The following PLCH1 variants were observed in gnomAD, a reference collection of about 807,000 sequenced individuals.
The protein encoded by PLCH1 is 1-phosphatidylinositol 4,5-bisphosphate phosphodiesterase eta-1.
A neutral mutation model predicts 126.7 loss-of-function variants in PLCH1; 60 were observed. The ratio of observed to expected loss-of-function variants is 0.47; its 90% CI spans 0.38 to 0.59. The LOEUF is 0.59. PLCH1 is among the 20% of genes least tolerant of loss of function. The pLI is 0.00. For synonymous variants in PLCH1, 719 were observed against 734.9 expected (o/e 0.98, Z 0.35); for missense variants, 1,723 against 2,040.0 (o/e 0.84, Z 2.99).
At chr3:155,498,791 T>C (rs997855358) in intron 14 of PLCH1, among the ~76,000 whole-genome samples, 1 of 152,210 alleles carries the variant, frequency 6.6e-6, no homozygotes, top group Admixed American at 6.5e-5. Flanking sequence ...GATATTTTAA[T>C]AGTTTTCTCT....
chr3:155,646,590 A>C (rs1462177101), intron 2 of PLCH1, among the ~76,000 whole-genome samples: 1 of 152,226 alleles, frequency 6.6e-6, no homozygotes, highest in African/African-American at 2.4e-5. Context: ...AAAGTCCTTG[A>C]GTAAAACTGC....
intron 2 of PLCH1, among the ~76,000 whole-genome samples, chr3:155,606,854 A>T (rs1177800769): frequency 6.6e-6 from 1 of 152,238 alleles, no homozygotes; most frequent in East Asian, 1.9e-4. Flanking sequence ...TTCAATATAT[A>T]AATGGGATCT....
At chr3:155,683,921 A>G (rs916671522) in intron 2 of PLCH1, among the ~76,000 whole-genome samples, 2 of 152,206 alleles carry the variant, frequency 1.3e-5, no homozygotes, top group African/African-American at 4.8e-5. Flanking sequence ...GGAAATGTCC[A>G]GAATAAATCC....
intron 1 of PLCH1, among the ~76,000 whole-genome samples, chr3:155,708,726 T>C (rs1746871807): frequency 6.6e-6 from 1 of 152,204 alleles, no homozygotes; most frequent in South Asian, 2.1e-4. Context: ...GATCACCTTT[T>C]TTTTCTTTTC....
chr3:155,521,020 TC>T (rs1721023052), intron 11 of PLCH1, among the ~76,000 whole-genome samples: 4 of 152,210 alleles, frequency 2.6e-5, no homozygotes, highest in Admixed American at 2.6e-4. Flanking sequence ...CGCTTGGGGT[TC>T]TTTCTGCCTG....
intron 13 of PLCH1, among the ~76,000 whole-genome samples, 158 bp from the exon 14 acceptor site, chr3:155,500,952 A>C (rs542346142): frequency 6.6e-6 from 1 of 152,362 alleles, no homozygotes; most frequent in African/African-American, 2.4e-5. Context: ...ATTAATAACA[A>C]GCCTATCTAA....
intron 1 of PLCH1, among the ~76,000 whole-genome samples, chr3:155,711,071 T>C (rs2109104560): frequency 6.6e-6 from 1 of 151,282 alleles, no homozygotes; most frequent in South Asian, 2.1e-4. Context: ...TCAACAAATA[T>C]ACTTCTACAG....
intron 9 of PLCH1, among the ~76,000 whole-genome samples, chr3:155,550,990 A>G (rs1381367304): frequency 6.6e-6 from 1 of 152,100 alleles, no homozygotes; most frequent in Non-Finnish European, 1.5e-5. Flanking sequence ...TCCTTACTCG[A>G]CTACAATCTG....
chr3:155,660,030 T>C (rs1394430666), intron 2 of PLCH1, among the ~76,000 whole-genome samples: 1 of 152,212 alleles, frequency 6.6e-6, no homozygotes, highest in Non-Finnish European at 1.5e-5. Flanking sequence ...GCCTGCTATG[T>C]TATATGTTAA....
At chr3:155,590,732 A>C (rs1441596741) in intron 4 of PLCH1, among the ~76,000 whole-genome samples, 2 of 152,232 alleles carry the variant, frequency 1.3e-5, no homozygotes, top group East Asian at 3.9e-4. Flanking sequence ...CCTGGGTGAC[A>C]GAGCGAGACT....
chr3:155,684,855 A>T lies in PLCH1; in HGVS notation c.79+19291T>A, dbSNP rs184640580. ...CACAACTTCAGCAGTACAATTTTAC[A>T]CATACTAATAGTTTTTGCAGTGTCT... On this transcript the variant is annotated intron_variant, in intron 2 of 22. Transcript: ENST00000460012. 4.6e-5 allele frequency among the ~76,000 whole-genome samples: 7 copies of T among 152,324 alleles called. No homozygotes were observed. In the East Asian group the frequency reaches 1.2e-3, roughly 25 times the overall value.
At chr3:155,644,863 C>T (rs578214091) in intron 2 of PLCH1, among the ~76,000 whole-genome samples, 15 of 152,202 alleles carry the variant, frequency 9.9e-5, no homozygotes, top group Non-Finnish European at 1.6e-4. Context: ...GCCACTGTGG[C>T]GGCAGTGACA....
intron 10 of PLCH1, among the ~76,000 whole-genome samples, chr3:155,540,255 A>G (rs1208109243): frequency 1.3e-5 from 2 of 152,186 alleles, no homozygotes; most frequent in Admixed American, 6.5e-5. Context: ...TGGATCTGAG[A>G]CTTAAATATA....
intron 10 of PLCH1, among the ~76,000 whole-genome samples, chr3:155,542,658 C>G (rs1487827652): frequency 6.6e-6 from 1 of 152,164 alleles, no homozygotes; most frequent in Admixed American, 6.5e-5. Flanking sequence ...AGACTGACAC[C>G]TCACACAGCC....
intron 2 of PLCH1, among the ~76,000 whole-genome samples, chr3:155,621,644 G>A (rs969258853): frequency 1.1e-4 from 16 of 152,146 alleles, no homozygotes; most frequent in Admixed American, 7.2e-4. Context: ...AATCGATAAA[G>A]CAGAAGAAAG....
At chr3:155,505,907 TA>T (rs1271669891) in intron 12 of PLCH1, among the ~76,000 whole-genome samples, 1 of 151,690 alleles carries the variant, frequency 6.6e-6, no homozygotes, top group Non-Finnish European at 1.5e-5. Context: ...TTTTTTTTTT[TA>T]ATCTGTGAAA....
chr3:155,690,414 T>C (rs1208565603), intron 2 of PLCH1, among the ~76,000 whole-genome samples: 1 of 152,242 alleles, frequency 6.6e-6, no homozygotes, highest in Non-Finnish European at 1.5e-5. Context: ...AAAAATTTCA[T>C]AAGTGTCCTG....
chr3:155,485,017 A>G (rs1714817340), intron 22 of PLCH1, among the ~76,000 whole-genome samples: 1 of 152,232 alleles, frequency 6.6e-6, no homozygotes. Context: ...ATTCACCCTC[A>G]AAACAAATCA....
intron 2 of PLCH1, among the ~76,000 whole-genome samples, chr3:155,609,682 T>C (rs1734798404): frequency 1.3e-5 from 2 of 151,874 alleles, no homozygotes; most frequent in Admixed American, 1.3e-4. Context: ...GCCAGACAAA[T>C]ATATATAATA....
Sources: gnomAD v4.1 joint callset for allele counts (sites outside exome capture counted in the v4.1 genomes callset) on GRCh38, gnomAD v4.1.1 for gene constraint, MANE v1.5 for transcripts, NCBI Gene and HGNC (gene_info 2026-07-23, HGNC 2026-07-21) for gene names.